HP1BP3: variants seen among roughly 807,000 people sequenced by gnomAD.
The protein encoded by HP1BP3 is heterochromatin protein 1 binding protein 3.
HP1BP3 carries 12 observed loss-of-function variants against 62.5 expected under a neutral mutation model. The ratio of observed to expected loss-of-function variants is 0.19; its 90% CI spans 0.12 to 0.31. HP1BP3 has a LOEUF of 0.31. HP1BP3 is among the 10% of genes least tolerant of loss of function. The pLI is 1.00. For missense variants in HP1BP3, 502 were observed against 651.8 expected (o/e 0.77, Z 2.50); for synonymous variants, 260 against 237.8 (o/e 1.09, Z -0.86).
At chr1:20,757,756 G>A (rs1325592090) in intron 8 of HP1BP3, among the ~76,000 whole-genome samples, 1 of 151,846 alleles carries the variant, frequency 6.6e-6, no homozygotes, top group Non-Finnish European at 1.5e-5. Flanking sequence ...GGCCAACTCT[G>A]AGTCTCTATA....
At chr1:20,747,337 GAC>G (rs918741878) in intron 11 of HP1BP3, among the ~76,000 whole-genome samples, 1 of 152,024 alleles carries the variant, frequency 6.6e-6, no homozygotes, top group African/African-American at 2.4e-5. Flanking sequence ...ATACAAAGAG[GAC>G]AGACTTTTCA....
chr1:20,741,631 A>G lies in HP1BP3; in HGVS notation c.*3166T>C, dbSNP rs2055086423. On this transcript the variant is annotated 3_prime_UTR_variant, in exon 13 of 13. Coordinates refer to ENST00000438032, the MANE Select transcript of HP1BP3 (RefSeq NM_001372052.1). ...CATAGTGCTAAGGAAAGGTCTCCACATTTCTCAACAATAGTATCTTTCCTT... is the reference window on the plus strand; with the variant it reads ...CATAGTGCTAAGGAAAGGTCTCCACGTTTCTCAACAATAGTATCTTTCCTT... Among the ~76,000 whole-genome samples, 3 of 152,210 alleles carry G rather than the reference A, an allele frequency of 2.0e-5. No homozygotes were observed. Among genetic ancestry groups the G allele is most frequent in the Admixed American group, 6.5e-5 (1 of 15,278 alleles).
chr1:20,783,450 C>T (rs1335444844), intron 1 of HP1BP3, among the ~76,000 whole-genome samples: 1 of 151,668 alleles, frequency 6.6e-6, no homozygotes, highest in Non-Finnish European at 1.5e-5. Flanking sequence ...ACCTGGGAGG[C>T]GGAGGTTGCA....
At chr1:20,784,662 G>A (rs1314586894) in intron 1 of HP1BP3, among the ~76,000 whole-genome samples, 1 of 151,906 alleles carries the variant, frequency 6.6e-6, no homozygotes, top group East Asian at 1.9e-4. Context: ...ATTTTCAGTA[G>A]AGACGGGGTT....
chr1:20,750,019 G>C, intron 9 of HP1BP3, 137 bp from the exon 10 acceptor site: 1 of 1,433,094 alleles, frequency 7.0e-7, no homozygotes, highest in Non-Finnish European at 9.1e-7. Context: ...GTCAGCTTAG[G>C]GACTTTCTCT....
chr1:20,760,212 C>A (rs966798407), intron 8 of HP1BP3, among the ~76,000 whole-genome samples: 2 of 151,938 alleles, frequency 1.3e-5, no homozygotes, highest in East Asian at 1.9e-4. Context: ...TTAACTGTGA[C>A]GGGATTGGGA....
At position 20,741,433 on chromosome 1, in the gene HP1BP3, A is replaced by G. The variant is rs2055080208; in HGVS notation, c.*3364T>C. ...GCAATGATGAAAAAACAAATGTCAA[A>G]AGGTGTTAGCAGATTGTTTAGTTTT... is the stretch of plus-strand genomic sequence containing the variant. On this transcript the variant is annotated 3_prime_UTR_variant, in exon 13 of 13. Transcript: ENST00000438032. Among the ~76,000 whole-genome samples the G allele has an allele frequency of 6.6e-6, 1 of 152,190 alleles. No individual in the cohort carries two copies. Among genetic ancestry groups the G allele is most frequent in the Admixed American group, 6.5e-5 (1 of 15,276 alleles).
At chr1:20,748,974 T>C (rs2055529849) in intron 10 of HP1BP3, among the ~76,000 whole-genome samples, 1 of 152,182 alleles carries the variant, frequency 6.6e-6, no homozygotes, top group Admixed American at 6.6e-5. Flanking sequence ...AGAGTAAATA[T>C]ACTTTACTGA....
At chr1:20,779,992 C>T in intron 2 of HP1BP3, 81 bp from the exon 3 acceptor site, 1 of 1,036,286 alleles carries the variant, frequency 9.6e-7, no homozygotes. Context: ...AACTGGGTGT[C>T]AGATGTAGGA....
chr1:20,747,600 C>T lies in HP1BP3; in HGVS notation c.1197G>A (p.Gln399=), dbSNP rs746795894. The T allele has an allele frequency of 1.2e-6, 2 of 1,613,672 alleles. No homozygotes were observed. Among genetic ancestry groups the T allele is most frequent in the African/African-American group, 2.7e-5 (2 of 74,956 alleles). The change falls in exon 11 of 13, where the codon CAG becomes CAA. Residue 399 remains glutamine, a synonymous_variant. Coordinates refer to ENST00000438032, the MANE Select transcript of HP1BP3 (RefSeq NM_001372052.1). The part of the protein sequence containing the change: ...QKCEKNGWME[Q]ISGKGFSGTF... ...TGCCACTGAACCCTTTCCCAGAGAT[C>T]TGTTCCATCCACCCATTCTTTTCGC...
At chr1:20,745,353 C>T (rs971982412) in intron 12 of HP1BP3, among the ~76,000 whole-genome samples, 190 bp downstream of exon 12, 2 of 152,178 alleles carry the variant, frequency 1.3e-5, no homozygotes, top group Non-Finnish European at 2.9e-5. Flanking sequence ...TATGGATACA[C>T]ACAGGCTTGC....
At chr1:20,771,595 A>T (rs2057062769) in intron 5 of HP1BP3, among the ~76,000 whole-genome samples, 1 of 152,220 alleles carries the variant, frequency 6.6e-6, no homozygotes, top group Admixed American at 6.5e-5. Context: ...TTTGGGTAAT[A>T]GTGAAGGTGT....
intron 4 of HP1BP3, chr1:20,774,039 T>C (rs1272963713): frequency 6.5e-6 from 1 of 153,040 alleles, no homozygotes; most frequent in African/African-American, 2.4e-5. Flanking sequence ...TGTGAGTCTT[T>C]CTCCTCAGCT....
chr1:20,750,057 T>C (rs2055610620), intron 9 of HP1BP3, 175 bp from the exon 10 acceptor site: 2 of 1,300,358 alleles, frequency 1.5e-6, no homozygotes, highest in Non-Finnish European at 2.0e-6. Flanking sequence ...TCAATCTAAC[T>C]GAGAAGTCCC....
chr1:20,753,579 T>C (rs908708831), intron 9 of HP1BP3, among the ~76,000 whole-genome samples: 2 of 152,222 alleles, frequency 1.3e-5, no homozygotes, highest in African/African-American at 4.8e-5. Context: ...ATTTTTCAAA[T>C]GACCAATGTA....
rs566996920 is a variant in HP1BP3, at chr1:20,764,576, A to C, written c.890+801T>G. ...ACTCTTTTAATGTTGTCAACTGTTA[A>C]GATATTTCATATCTGAGAAGATACA... On this transcript the variant is annotated intron_variant, in intron 8 of 12. Coordinates refer to ENST00000438032, the MANE Select transcript of HP1BP3 (RefSeq NM_001372052.1). 2.6e-5 allele frequency among the ~76,000 whole-genome samples: 4 copies of C among 151,502 alleles called. No individual in the cohort carries two copies. The East Asian group carries it at 7.8e-4, about 29-fold the overall frequency.
chr1:20,740,277 TA>T lies in HP1BP3; in HGVS notation c.*4519del, dbSNP rs2055047057. On this transcript the variant is annotated 3_prime_UTR_variant, in exon 13 of 13. Coordinates refer to ENST00000438032, the MANE Select transcript of HP1BP3 (RefSeq NM_001372052.1). ...TAGGCACCACAGAGTTCTCTTTTGC[TA>T]AGCAAAGATTTAATAGTGAACAGTG... 1.3e-5 allele frequency among the ~76,000 whole-genome samples: 2 copies of T among 152,216 alleles called. No individual in the cohort carries two copies. Among genetic ancestry groups the T allele is most frequent in the African/African-American group, 2.4e-5 (1 of 41,462 alleles).
At chr1:20,760,110 A>G (rs1462360788) in intron 8 of HP1BP3, among the ~76,000 whole-genome samples, 2 of 152,072 alleles carry the variant, frequency 1.3e-5, no homozygotes, top group Non-Finnish European at 2.9e-5. Flanking sequence ...GAAGGTCTCC[A>G]ACTCTTGACC....
At chr1:20,748,291 A>G (rs2055470456) in intron 10 of HP1BP3, among the ~76,000 whole-genome samples, 1 of 152,256 alleles carries the variant, frequency 6.6e-6, no homozygotes, top group South Asian at 2.1e-4. Context: ...GTAAACAGTA[A>G]CAAAACAATA....
Sources: allele counts gnomAD v4.1 joint callset (sites outside exome capture counted in the v4.1 genomes callset), GRCh38; gene constraint gnomAD v4.1.1; transcripts MANE v1.5; gene names NCBI Gene and HGNC (gene_info 2026-07-23, HGNC 2026-07-21).